The following SMYD3 variants were observed in gnomAD, a reference collection of about 807,000 sequenced individuals.
SMYD3 encodes the protein SET and MYND domain containing 3.
In SMYD3, 36 loss-of-function variants were observed where a neutral mutation model predicts 57.7. That is an observed-to-expected ratio of 0.62 (90% CI 0.48 to 0.82). The LOEUF (loss-of-function observed/expected upper bound fraction) is 0.82, where lower values mean the gene tolerates loss of function less well. SMYD3 is among the 40% of genes least tolerant of loss of function. The pLI is 0.00. For synonymous variants in SMYD3, 211 were observed against 195.0 expected (o/e 1.08, Z -0.68); for missense variants, 515 against 538.8 (o/e 0.96, Z 0.44).
rs368175340 is a variant in SMYD3 at position 245,971,776 on chromosome 1, T to C, written c.532-41839A>G. Among the ~76,000 whole-genome samples the C allele has an allele frequency of 7.9e-5, 12 of 152,200 alleles. No homozygotes were observed. The East Asian group carries it at 1.5e-3, about 20-fold the overall frequency. ...AGCTGTCATTTAACCAGATGCTGCT[T>C]TGTGGGAGGCCCTTTGCTTACATGA... is the stretch of plus-strand genomic sequence containing the variant. On this transcript the variant is annotated intron_variant, in intron 5 of 11. Coordinates refer to ENST00000490107, the MANE Select transcript of SMYD3 (RefSeq NM_001167740.2).
chr1:246,055,379 T>C (rs10924469), intron 5 of SMYD3, among the ~76,000 whole-genome samples: 4,390 of 152,176 alleles, frequency 0.029, 211 homozygotes, highest in African/African-American at 0.099. Flanking sequence ...AGGAGACTCA[T>C]TTGAGACCAG....
intron 5 of SMYD3, among the ~76,000 whole-genome samples, chr1:246,174,501 C>T (rs367894786): frequency 1.5e-4 from 23 of 152,200 alleles, no homozygotes; most frequent in Admixed American, 4.6e-4. Flanking sequence ...GGTTGGAGTG[C>T]AGTGGCACAA....
chr1:246,306,845 G>A (rs1309955704), intron 5 of SMYD3, among the ~76,000 whole-genome samples: 1 of 152,196 alleles, frequency 6.6e-6, no homozygotes, highest in Non-Finnish European at 1.5e-5. Flanking sequence ...GCCGAGTCAT[G>A]TAGGATTTAA....
At chr1:246,094,771 C>G (rs1195756577) in intron 5 of SMYD3, among the ~76,000 whole-genome samples, 1 of 152,248 alleles carries the variant, frequency 6.6e-6, no homozygotes, top group East Asian at 1.9e-4. Flanking sequence ...GCTAATGTCC[C>G]TCCAGAAATA....
At chr1:245,964,954 C>T (rs12057295) in intron 5 of SMYD3, among the ~76,000 whole-genome samples, 4,483 of 151,990 alleles carry the variant, frequency 0.029, 228 homozygotes, top group African/African-American at 0.1. Context: ...TAATGTCAAA[C>T]ACCAAACCAC....
intron 5 of SMYD3, among the ~76,000 whole-genome samples, chr1:246,308,164 A>C (rs1404988101): frequency 1.3e-5 from 2 of 152,210 alleles, no homozygotes; most frequent in Non-Finnish European, 2.9e-5. Context: ...TTTTGCTTTC[A>C]ACGAATCTTC....
At chr1:246,440,760 C>T (rs2067450396) in intron 1 of SMYD3, among the ~76,000 whole-genome samples, 1 of 152,148 alleles carries the variant, frequency 6.6e-6, no homozygotes, top group Non-Finnish European at 1.5e-5. Context: ...GCACTGTGAG[C>T]TTTCACAGAA....
chr1:246,499,210 A>C (rs754160266), intron 1 of SMYD3, among the ~76,000 whole-genome samples: 3 of 151,858 alleles, frequency 2.0e-5, no homozygotes, highest in African/African-American at 7.3e-5. Flanking sequence ...GGACTGAGGC[A>C]GGACAATCGC....
At chr1:245,957,971 T>C (rs1490187169) in intron 5 of SMYD3, among the ~76,000 whole-genome samples, 1 of 151,990 alleles carries the variant, frequency 6.6e-6, no homozygotes. Flanking sequence ...TTAGAACTCC[T>C]AGCAGACAAG....
rs150413084 is a variant in SMYD3 at position 246,300,494 on chromosome 1, G to A, written c.531+26707C>T. Among the ~76,000 whole-genome samples, 632 of 152,244 alleles carry A rather than the reference G, an allele frequency of 4.2e-3. 1 individual carries two copies. The highest frequency in any genetic ancestry group is 6.7e-3 in the Admixed American group (103 of 15,280). ...AGGAAAGCGGCCAGCAATGTTTAAAGTATTACCTGAATGAGAATGCTATTG... is the reference window on the plus strand; with the variant it reads ...AGGAAAGCGGCCAGCAATGTTTAAAATATTACCTGAATGAGAATGCTATTG... On this transcript the variant is annotated intron_variant, in intron 5 of 11. Coordinates refer to ENST00000490107, the MANE Select transcript of SMYD3 (RefSeq NM_001167740.2).
At chr1:246,506,987 A>ACCCCCCCCCCCCC in intron 1 of SMYD3, 67 bp downstream of exon 1, 15 of 634,622 alleles carry the variant, frequency 2.4e-5, no homozygotes, top group Admixed American at 5.9e-5. Context: ...CGGCCGCCCG[A>ACCCCCCCCCCCCC]CGCCCCCCCC....
chr1:246,411,406 A>G (rs2066965835), intron 1 of SMYD3, among the ~76,000 whole-genome samples: 1 of 152,324 alleles, frequency 6.6e-6, no homozygotes, highest in East Asian at 1.9e-4. Flanking sequence ...CCATTGTGGA[A>G]GTCAGTGTGG....
chr1:246,154,636 G>A (rs1196445169), intron 5 of SMYD3, among the ~76,000 whole-genome samples: 1 of 152,042 alleles, frequency 6.6e-6, no homozygotes, highest in Non-Finnish European at 1.5e-5. Context: ...CACAAATTTG[G>A]CAACAAGAAG....
At chr1:246,320,896 C>T (rs1231193396) in intron 5 of SMYD3, among the ~76,000 whole-genome samples, 1 of 152,148 alleles carries the variant, frequency 6.6e-6, no homozygotes, top group East Asian at 1.9e-4. Flanking sequence ...TAGAACATGA[C>T]AACTGAAGCA....
At chr1:246,405,411 T>C (rs750021415) in intron 1 of SMYD3, among the ~76,000 whole-genome samples, 1 of 152,154 alleles carries the variant, frequency 6.6e-6, no homozygotes, top group African/African-American at 2.4e-5. Flanking sequence ...TTGTGGTTAA[T>C]AGACACTAAT....
chr1:245,815,701 G>C (rs1037513953), intron 10 of SMYD3, among the ~76,000 whole-genome samples: 3 of 152,196 alleles, frequency 2.0e-5, no homozygotes, highest in African/African-American at 7.2e-5. Context: ...AGAGACAAAG[G>C]ATATGTCTTT....
chr1:245,986,888 A>G (rs2058716362), intron 5 of SMYD3, among the ~76,000 whole-genome samples: 3 of 152,260 alleles, frequency 2.0e-5, no homozygotes, highest in African/African-American at 7.2e-5. Context: ...GCAAATAAAC[A>G]TGTATTTGAA....
intron 5 of SMYD3, among the ~76,000 whole-genome samples, chr1:246,302,385 C>A (rs1183049552): frequency 6.6e-6 from 1 of 152,084 alleles, no homozygotes; most frequent in Non-Finnish European, 1.5e-5. Flanking sequence ...TTTTGTGCTT[C>A]ATTCAATGTG....
At chr1:246,139,634 G>C (rs2061720498) in intron 5 of SMYD3, among the ~76,000 whole-genome samples, 1 of 152,160 alleles carries the variant, frequency 6.6e-6, no homozygotes, top group South Asian at 2.1e-4. Context: ...TGATTTTATA[G>C]TTACACATGT....
Sources: allele counts gnomAD v4.1 joint callset (sites outside exome capture counted in the v4.1 genomes callset), GRCh38; gene constraint gnomAD v4.1.1; transcripts MANE v1.5; gene names NCBI Gene and HGNC (gene_info 2026-07-23, HGNC 2026-07-21).